Variants in ACSM5 observed in about 807,000 individuals in gnomAD.
ACSM5 encodes acyl-CoA synthetase medium chain family member 5.
In ACSM5, 56 loss-of-function variants were observed where a neutral mutation model predicts 71.6. The observed-to-expected ratio is 0.78, with a 90% CI of 0.63 to 0.98. ACSM5 has a LOEUF of 0.98. ACSM5 is among the 50% of genes least tolerant of loss of function. The pLI is 0.00. For missense variants in ACSM5, 723 were observed against 726.0 expected, an observed-to-expected ratio of 1.00 and a Z score of 0.05; for synonymous variants, 285 against 281.5, an observed-to-expected ratio of 1.01 and a Z score of -0.12.
chr16:20,421,911 G>C (rs1019836150), intron 5 of ACSM5, among the ~76,000 whole-genome samples: 14 of 151,124 alleles, frequency 9.3e-5, no homozygotes, highest in African/African-American at 3.4e-4. Flanking sequence ...TTTCATCTCT[G>C]TGAATTTGAT....
Position 20,431,259 on chromosome 16 carries a change from G to A in ACSM5, c.1246G>A (p.Glu416Lys), listed in dbSNP as rs1967093111. Residue 416 changes from glutamate to lysine, a missense_variant, in exon 10 of 14, where the codon GAG becomes AAG. Physicochemically the swap from Glu to Lys is moderately conservative, Grantham distance 56 (BLOSUM62 1). Transcript: ENST00000331849. ...DEGNVLPPGE[E>K]GNVAVRIRPT... ...GGGCAACGTCCTGCCTCCTGGAGAA[G>A]AGGGGAATGTTGCCGTCCGTATCAG... 6.2e-7 allele frequency: 1 copy of A among 1,614,088 alleles called. No homozygotes were observed. Among genetic ancestry groups the A allele is most frequent in the Non-Finnish European group, 8.5e-7 (1 of 1,180,038 alleles).
chr16:20,422,466 C>T (rs1966898590), intron 5 of ACSM5, among the ~76,000 whole-genome samples: 1 of 152,188 alleles, frequency 6.6e-6, no homozygotes, highest in African/African-American at 2.4e-5. Flanking sequence ...GTAGCTTCCA[C>T]ATTTTGGCTA....
intron 10 of ACSM5, among the ~76,000 whole-genome samples, chr16:20,432,847 CTTTTTTT>C (rs56853520): frequency 4.2e-4 from 24 of 57,604 alleles, no homozygotes; most frequent in East Asian, 2.0e-3. Context: ...CCAGATCATT[CTTTTTTT>C]TTTTTTTTTT....
intron 1 of ACSM5, 142 bp downstream of exon 1, chr16:20,409,807 G>C (rs748526348): frequency 6.6e-6 from 1 of 151,284 alleles, no homozygotes. Flanking sequence ...TGTTTAGGTG[G>C]CTGAGGAATC....
intron 10 of ACSM5, among the ~76,000 whole-genome samples, chr16:20,432,992 G>A (rs1241901589): frequency 6.6e-6 from 1 of 151,266 alleles, no homozygotes; most frequent in Admixed American, 6.6e-5. Context: ...CAAGTAACTG[G>A]GACTACAGGC....
At chr16:20,413,057 C>T (rs1214007614) in intron 2 of ACSM5, among the ~76,000 whole-genome samples, 1 of 152,126 alleles carries the variant, frequency 6.6e-6, no homozygotes, top group Non-Finnish European at 1.5e-5. Context: ...ACTTTCTCAT[C>T]TGTAAAATGG....
chr16:20,437,575 G>A (rs1967228481), intron 12 of ACSM5, among the ~76,000 whole-genome samples: 1 of 150,850 alleles, frequency 6.6e-6, no homozygotes, highest in Non-Finnish European at 1.5e-5. Flanking sequence ...CCAACACTTT[G>A]CTTTTAAATG....
chr16:20,431,954 A>AATAAT (rs1967109303), intron 10 of ACSM5, among the ~76,000 whole-genome samples: 3 of 143,742 alleles, frequency 2.1e-5, no homozygotes, highest in African/African-American at 7.6e-5. Context: ...CAAAAAAAAA[A>AATAAT]AATAATAATA....
At chr16:20,433,647 C>A (rs1409514318) in intron 10 of ACSM5, among the ~76,000 whole-genome samples, 2 of 151,628 alleles carry the variant, frequency 1.3e-5, no homozygotes, top group Non-Finnish European at 2.9e-5. Context: ...ATAATATCAC[C>A]ACCACACAGA....
In ACSM5 at chr16:20,441,291, A is replaced by G. The variant is rs768907628; in HGVS notation, c.*864A>G. On this transcript the variant is annotated 3_prime_UTR_variant, in exon 14 of 14. Transcript: ENST00000331849. ...TCTGTATTTTCCAAGTTTTTGTACG[A>G]AGCACATACAACTATTTTAATGAAA... 3.7e-4 allele frequency: 56 copies of G among 152,328 alleles called. No individual in the cohort carries two copies. The highest frequency in any genetic ancestry group is 1.2e-3 in the African/African-American group (50 of 41,578). The allele number at this position is 152,328 out of a possible 1,614,324, so 9.4% of individuals were successfully genotyped here.
chr16:20,429,933 A>G (rs866546062), intron 8 of ACSM5, 132 bp downstream of exon 8: 1 of 1,085,804 alleles, frequency 9.2e-7, no homozygotes, highest in Non-Finnish European at 1.3e-6. Flanking sequence ...ACAAAATTCC[A>G]TCAGCTTTCC....
chr16:20,421,652 T>TAC (rs1353423297), intron 5 of ACSM5, among the ~76,000 whole-genome samples: 1 of 91,696 alleles, frequency 1.1e-5, no homozygotes, highest in African/African-American at 4.4e-5. Context: ...TATATATATA[T>TAC]ATATACACAC....
At chr16:20,409,887 TGAGGGGCGGGAGAGGTGAGGGGC>T (rs1198174353) in intron 1 of ACSM5, among the ~76,000 whole-genome samples, 2 of 13,432 alleles carry the variant, frequency 1.5e-4, no homozygotes, top group African/African-American at 5.1e-4. Context: ...GCGGGAGAGG[TGAGGGGCGGGAGAGGTGAGGGGC>T]GGGAGAGGTG....
chr16:20,424,730 C>T (rs1359673373), intron 6 of ACSM5, among the ~76,000 whole-genome samples: 3 of 152,226 alleles, frequency 2.0e-5, no homozygotes, highest in Non-Finnish European at 4.4e-5. Flanking sequence ...GCTGCTTAAT[C>T]TCCTGAGCTG....
chr16:20,435,177 C>T (rs34332197), intron 10 of ACSM5, among the ~76,000 whole-genome samples: 13,156 of 152,052 alleles, frequency 0.087, 696 homozygotes, highest in East Asian at 0.19. Flanking sequence ...GGATTACAGG[C>T]GCCTGCCGCC....
intron 2 of ACSM5, chr16:20,412,068 G>A (rs996379640): frequency 8.3e-5 from 21 of 253,524 alleles, no homozygotes; most frequent in Admixed American, 4.0e-4. Context: ...AAAGAAGGCC[G>A]GGCGCGGTGG....
intron 9 of ACSM5, 70 bp from the exon 10 acceptor site, chr16:20,431,150 G>A (rs1417872617): frequency 1.9e-6 from 3 of 1,591,190 alleles, no homozygotes; most frequent in African/African-American, 1.3e-5. Context: ...GGCACGGGCT[G>A]CTGGGCTGCT....
chr16:20,433,887 G>GGCT (rs1967147309), intron 10 of ACSM5, among the ~76,000 whole-genome samples: 1 of 148,808 alleles, frequency 6.7e-6, no homozygotes, highest in African/African-American at 2.5e-5. Flanking sequence ...ATGTTGCCTA[G>GGCT]GCTGGTTTTG....
Position 20,431,253 on chromosome 16 carries a change from G to C in ACSM5, c.1240G>C (p.Gly414Arg). 6.2e-7 allele frequency: 1 copy of C among 1,614,142 alleles called. No homozygotes were observed. The highest frequency in any genetic ancestry group is 8.5e-7 in the Non-Finnish European group (1 of 1,180,020). ...VDDEGNVLPPGEEGNVAVRIR... is the reference protein window; with the variant it reads ...VDDEGNVLPPREEGNVAVRIR... ...TGATGAGGGCAACGTCCTGCCTCCT[G>C]GAGAAGAGGGGAATGTTGCCGTCCG... The change falls in exon 10 of 14, where the codon GGA (glycine) becomes CGA (arginine). Residue 414 changes from glycine to arginine, a missense_variant. Transcript: ENST00000331849.
Sources: gnomAD v4.1 joint callset for allele counts (sites outside exome capture counted in the v4.1 genomes callset) on GRCh38, gnomAD v4.1.1 for gene constraint, MANE v1.5 for transcripts, NCBI Gene and HGNC (gene_info 2026-07-23, HGNC 2026-07-21) for gene names.